CORO2B: variants seen among roughly 807,000 people sequenced by gnomAD.
CORO2B encodes the protein coronin-2B.
CORO2B carries 26 observed loss-of-function variants against 58.8 expected under a neutral mutation model. That is an observed-to-expected ratio of 0.44 (90% CI 0.32 to 0.61). The LOEUF is 0.61. Ranked by LOEUF, CORO2B falls within the 20% of genes least tolerant of loss-of-function variation. The probability of loss-of-function intolerance (pLI) is 0.04; values close to 1 mark genes in which losing one functional copy is unlikely to be tolerated. For synonymous variants in CORO2B, 242 were observed against 253.8 expected (o/e 0.95, Z 0.44); for missense variants, 460 against 645.1 (o/e 0.71, Z 3.11).
chr15:68,693,951 T>C (rs1467275327), intron 2 of CORO2B, among the ~76,000 whole-genome samples: 1 of 152,206 alleles, frequency 6.6e-6, no homozygotes, highest in East Asian at 1.9e-4. Context: ...TTCTCCTGTC[T>C]CAGCCTCCCG....
At chr15:68,606,354 G>A (rs1209468445) in intron 1 of CORO2B, among the ~76,000 whole-genome samples, 1 of 152,138 alleles carries the variant, frequency 6.6e-6, no homozygotes, top group Non-Finnish European at 1.5e-5. Flanking sequence ...AGTGAATCAT[G>A]GCCTCTGGGC....
chr15:68,594,776 C>T (rs1479463634), intron 1 of CORO2B, among the ~76,000 whole-genome samples: 1 of 152,084 alleles, frequency 6.6e-6, no homozygotes, highest in African/African-American at 2.4e-5. Context: ...GGGTGGGATT[C>T]CTGGAGAGGA....
At chr15:68,699,856 G>A (rs1213966968) in intron 3 of CORO2B, among the ~76,000 whole-genome samples, 1 of 152,202 alleles carries the variant, frequency 6.6e-6, no homozygotes, top group African/African-American at 2.4e-5. Flanking sequence ...TACAAGGGAG[G>A]AAACTGAGGC....
the CORO2B span, among the ~76,000 whole-genome samples, chr15:68,532,029 G>C: frequency 6.6e-6 from 1 of 151,618 alleles, no homozygotes; most frequent in Non-Finnish European, 1.5e-5. Flanking sequence ...AAAAGTCTGT[G>C]GTATTTTAAT....
At chr15:68,658,345 G>A (rs1322507762) in intron 2 of CORO2B, among the ~76,000 whole-genome samples, 1 of 152,256 alleles carries the variant, frequency 6.6e-6, no homozygotes, top group Non-Finnish European at 1.5e-5. Context: ...AGCGACAGCT[G>A]GGTGAGCCTG....
At chr15:68,548,267 C>G in the CORO2B span, among the ~76,000 whole-genome samples, 2 of 152,022 alleles carry the variant, frequency 1.3e-5, no homozygotes, top group Non-Finnish European at 2.9e-5. Context: ...ATTCTGTACA[C>G]TATTTTATAG....
At position 68,625,865 on chromosome 15, in the gene CORO2B, A is replaced by G. The variant is rs550836380; in HGVS notation, c.16-19295A>G. On this transcript the variant is annotated intron_variant, in intron 1 of 11. Transcript: ENST00000261861. ...AGCAATCTGCCCCCCTTGGCCTCCC[A>G]AAATGCTGGGATTACAGGCATGAGC... is the stretch of plus-strand genomic sequence containing the variant. Among the ~76,000 whole-genome samples, 3 of 152,280 alleles carry G rather than the reference A, an allele frequency of 2.0e-5. No homozygotes were observed. In the South Asian group the frequency reaches 6.2e-4, roughly 32 times the overall value.
intron 3 of CORO2B, among the ~76,000 whole-genome samples, chr15:68,701,608 C>G (rs1892652530): frequency 6.6e-6 from 1 of 151,206 alleles, no homozygotes. Context: ...GCCTCAGCCT[C>G]CCGTGTAGCT....
At chr15:68,625,503 A>G (rs934303516) in intron 1 of CORO2B, among the ~76,000 whole-genome samples, 4 of 152,026 alleles carry the variant, frequency 2.6e-5, no homozygotes, top group Non-Finnish European at 5.9e-5. Flanking sequence ...CATCTGTAGA[A>G]GTTGTTTTTT....
chr15:68,713,977 T>C lies in CORO2B; in HGVS notation c.701T>C (p.Met234Thr). Residue 234 changes from methionine to threonine, a missense_variant, in exon 6 of 12, where the codon ATG becomes ACG. This residue lies in a region of CORO2B where 352 missense variants were observed against 543.0 expected (regional missense o/e 0.65). Coordinates refer to ENST00000261861, the MANE Select transcript of CORO2B (RefSeq NM_006091.5). The stretch of plus-strand genomic sequence containing the variant: ...AACCGGGTGGTGTTCCTGGGGAACA[T>C]GAAGCGGCTCCTCACGACAGGGGTC... ...RVNRVVFLGNMKRLLTTGVSR... is the reference protein window; with the variant it reads ...RVNRVVFLGNTKRLLTTGVSR... 2.5e-6 allele frequency: 4 copies of C among 1,614,088 alleles called. No homozygotes were observed. Among genetic ancestry groups the C allele is most frequent in the South Asian group, 1.1e-5 (1 of 91,076 alleles).
chr15:68,557,571 C>G, the CORO2B span, among the ~76,000 whole-genome samples: 21 of 152,230 alleles, frequency 1.4e-4, no homozygotes, highest in Admixed American at 1.3e-3. Flanking sequence ...CTAAGTATGC[C>G]TTGGGTATAC....
intron 7 of CORO2B, 57 bp from the exon 8 acceptor site, chr15:68,715,158 C>A (rs1893003190): frequency 6.8e-7 from 1 of 1,471,432 alleles, no homozygotes; most frequent in Non-Finnish European, 9.5e-7. Context: ...TGGGACCAGG[C>A]CCTGCTCTGC....
the CORO2B span, among the ~76,000 whole-genome samples, chr15:68,573,864 GCA>G: frequency 6.6e-6 from 1 of 152,202 alleles, no homozygotes; most frequent in South Asian, 2.1e-4. Flanking sequence ...GTGGAAAGCA[GCA>G]CAGAGGCTGT....
Position 68,645,883 on chromosome 15 carries a change from C to T in CORO2B, c.216+523C>T, listed in dbSNP as rs918841833. ...CTGCCTCCCAGGTTCAAGCGATTCT[C>T]CTGCCTCAGCCTCCCGAGAAGCTGG... On this transcript the variant is annotated intron_variant, in intron 2 of 11. Coordinates refer to ENST00000261861, the MANE Select transcript of CORO2B (RefSeq NM_006091.5). The surrounding 1 kb of genome is among the most constrained non-coding windows in gnomAD (Gnocchi z 4.5). 2.0e-5 allele frequency among the ~76,000 whole-genome samples: 3 copies of T among 152,108 alleles called. No homozygotes were observed. Among genetic ancestry groups the T allele is most frequent in the African/African-American group, 7.2e-5 (3 of 41,410 alleles).
chr15:68,646,764 T>A (rs1157118646), intron 2 of CORO2B, among the ~76,000 whole-genome samples: 1 of 152,228 alleles, frequency 6.6e-6, no homozygotes, highest in Non-Finnish European at 1.5e-5. Flanking sequence ...GTGAAGCTCC[T>A]AGTGAACCAC....
chr15:68,552,198 G>T, the CORO2B span, among the ~76,000 whole-genome samples: 2 of 152,248 alleles, frequency 1.3e-5, no homozygotes, highest in East Asian at 3.9e-4. Context: ...TCTTCCAGGG[G>T]TACTTTAGTA....
intron 2 of CORO2B, among the ~76,000 whole-genome samples, chr15:68,674,133 CAG>C (rs1196328426): frequency 2.0e-5 from 3 of 152,294 alleles, no homozygotes; most frequent in East Asian, 1.9e-4. Flanking sequence ...TTCCCTCCCA[CAG>C]AGTCTAAGAG....
At chr15:68,593,245 A>G (rs1899747922) in intron 1 of CORO2B, among the ~76,000 whole-genome samples, 1 of 152,240 alleles carries the variant, frequency 6.6e-6, no homozygotes, top group Non-Finnish European at 1.5e-5. Flanking sequence ...TGGCAGAGAT[A>G]TTCAAACCGT....
At chr15:68,605,283 C>A (rs921870518) in intron 1 of CORO2B, among the ~76,000 whole-genome samples, 22 of 152,174 alleles carry the variant, frequency 1.4e-4, no homozygotes, top group African/African-American at 4.8e-4. Flanking sequence ...GCAACAGACA[C>A]CACAAGCCAT....
Sources: allele counts gnomAD v4.1 joint callset (sites outside exome capture counted in the v4.1 genomes callset), GRCh38; gene constraint gnomAD v4.1.1; regional missense constraint gnomAD v4.1.1; non-coding constraint Gnocchi (gnomAD v3.1); transcripts MANE v1.5; gene names NCBI Gene and HGNC (gene_info 2026-07-23, HGNC 2026-07-21).